The following MBOAT2 variants were observed in gnomAD, a reference collection of about 807,000 sequenced individuals.
MBOAT2 encodes the protein membrane-bound glycerophospholipid O-acyltransferase 2.
MBOAT2 carries 28 observed loss-of-function variants against 63.4 expected under a neutral mutation model. The ratio of observed to expected loss-of-function variants is 0.44; its 90% CI spans 0.33 to 0.61. The LOEUF is 0.61. Among genes scored for constraint, MBOAT2 ranks in the 20% least tolerant of loss-of-function variants. The pLI, the probability that MBOAT2 is intolerant of heterozygous loss-of-function variation, is 0.03. For missense variants in MBOAT2, 470 were observed against 605.8 expected (o/e 0.78, Z 2.35); for synonymous variants, 211 against 215.6 (o/e 0.98, Z 0.19).
chr2:8,998,013 C>T (rs1356639095), intron 1 of MBOAT2, among the ~76,000 whole-genome samples: 1 of 152,196 alleles, frequency 6.6e-6, no homozygotes, highest in Non-Finnish European at 1.5e-5. Flanking sequence ...GTTCACTTTC[C>T]TCCTCTAAGT....
At chr2:8,949,345 C>T (rs1668649602) in intron 2 of MBOAT2, among the ~76,000 whole-genome samples, 1 of 151,892 alleles carries the variant, frequency 6.6e-6, no homozygotes, top group Non-Finnish European at 1.5e-5. Flanking sequence ...TAATTAGGTT[C>T]CACTTGTCAA....
intron 4 of MBOAT2, among the ~76,000 whole-genome samples, chr2:8,891,762 G>GC (rs1292750440): frequency 6.6e-6 from 1 of 152,176 alleles, no homozygotes; most frequent in East Asian, 1.9e-4. Flanking sequence ...GGTAGGAGAG[G>GC]CAGAAGGCTT....
At chr2:8,918,455 T>A (rs773289838) in intron 3 of MBOAT2, among the ~76,000 whole-genome samples, 26 of 152,288 alleles carry the variant, frequency 1.7e-4, no homozygotes, top group Non-Finnish European at 3.2e-4. Context: ...GTCAGAATTA[T>A]CAAATGTAAC....
rs1245816920 is a variant in MBOAT2, at chr2:8,858,041, G to C, written c.*638C>G. 1.3e-5 allele frequency: 2 copies of C among 152,620 alleles called. No individual in the cohort carries two copies. The highest frequency in any genetic ancestry group is 2.4e-5 in the African/African-American group (1 of 41,434). The allele number at this position is 152,620 out of a possible 1,614,324, so 9.5% of individuals were successfully genotyped here. ...GTAATTAAACTCTCCAGCAAAATCA[G>C]CTACCTATAATTTGGCGTCCATTAC... On this transcript the variant is annotated 3_prime_UTR_variant, in exon 13 of 13. Transcript: ENST00000305997.
At chr2:8,992,039 C>T (rs1438975038) in intron 1 of MBOAT2, among the ~76,000 whole-genome samples, 1 of 152,184 alleles carries the variant, frequency 6.6e-6, no homozygotes, top group Non-Finnish European at 1.5e-5. Flanking sequence ...TTTCGCCTAA[C>T]CTCACAATCT....
chr2:8,971,413 C>T (rs1487910553), intron 1 of MBOAT2, among the ~76,000 whole-genome samples: 4 of 152,188 alleles, frequency 2.6e-5, no homozygotes, highest in Non-Finnish European at 4.4e-5. Flanking sequence ...CAATTTCATA[C>T]TGAATGGACA....
In MBOAT2 at chr2:8,858,911, G is replaced by C; in HGVS notation, c.1338-7C>G. The C allele has an allele frequency of 6.4e-7, 1 of 1,567,362 alleles. No individual in the cohort carries two copies. Among genetic ancestry groups the C allele is most frequent in the East Asian group, 2.2e-5 (1 of 44,514 alleles). On this transcript the variant is annotated splice_region_variant and splice_polypyrimidine_tract_variant and intron_variant, in intron 12 of 12. Transcript: ENST00000305997. ...CAGGCAATAATACCAGGAGCTAAAAGAAAAAGGGAAAAAGTTTATTAAAAC... is the reference window on the plus strand; with the variant it reads ...CAGGCAATAATACCAGGAGCTAAAACAAAAAGGGAAAAAGTTTATTAAAAC...
chr2:8,904,550 A>C (rs556009385), intron 4 of MBOAT2, among the ~76,000 whole-genome samples: 12 of 152,214 alleles, frequency 7.9e-5, no homozygotes, highest in African/African-American at 2.6e-4. Flanking sequence ...AGCTCAAGTG[A>C]TCCTCCCACC....
chr2:8,882,616 CA>C, intron 5 of MBOAT2, 51 bp from the exon 6 acceptor site: 1 of 1,530,910 alleles, frequency 6.5e-7, no homozygotes, highest in Non-Finnish European at 9.1e-7. Context: ...CCCAAAATGG[CA>C]TTTTTGCCCA....
At chr2:8,893,203 T>C (rs531364617) in intron 4 of MBOAT2, among the ~76,000 whole-genome samples, 2 of 151,976 alleles carry the variant, frequency 1.3e-5, no homozygotes, top group African/African-American at 4.8e-5. Context: ...GGAAAGTCAA[T>C]GGGATTCGAT....
intron 1 of MBOAT2, among the ~76,000 whole-genome samples, chr2:8,966,185 G>A (rs184242355): frequency 2.0e-5 from 3 of 152,220 alleles, no homozygotes; most frequent in Admixed American, 6.5e-5. Context: ...TTCAAAATGC[G>A]TAACAAACTA....
chr2:8,960,661 T>C (rs1240807193), intron 1 of MBOAT2, among the ~76,000 whole-genome samples: 2 of 152,164 alleles, frequency 1.3e-5, no homozygotes, highest in South Asian at 2.1e-4. Context: ...AGAAAGAGTA[T>C]GTCAAGGACC....
At chr2:8,977,627 A>G (rs1670913821) in intron 1 of MBOAT2, among the ~76,000 whole-genome samples, 3 of 152,124 alleles carry the variant, frequency 2.0e-5, no homozygotes, top group Admixed American at 2.0e-4. Flanking sequence ...CTCTGAAGTG[A>G]GCTCTATGTT....
intron 4 of MBOAT2, among the ~76,000 whole-genome samples, chr2:8,904,617 C>T (rs1665199659): frequency 6.6e-6 from 1 of 152,146 alleles, no homozygotes; most frequent in African/African-American, 2.4e-5. Flanking sequence ...AGTCACAATA[C>T]TGAGTTTTAT....
chr2:8,875,634 T>A (rs2148528229), intron 7 of MBOAT2, among the ~76,000 whole-genome samples: 1 of 152,334 alleles, frequency 6.6e-6, no homozygotes, highest in African/African-American at 2.4e-5. Flanking sequence ...CAGTCCAGCA[T>A]CTTGACTCCT....
intron 2 of MBOAT2, among the ~76,000 whole-genome samples, chr2:8,951,798 T>G (rs762633367): frequency 6.6e-6 from 1 of 152,208 alleles, no homozygotes; most frequent in Non-Finnish European, 1.5e-5. Flanking sequence ...CAATTCTGAT[T>G]GTGCTTATTT....
Position 8,929,695 on chromosome 2 carries a change from G to A in MBOAT2, c.299+13492C>T, listed in dbSNP as rs1476816495. On this transcript the variant is annotated intron_variant, in intron 3 of 12. Coordinates refer to ENST00000305997, the MANE Select transcript of MBOAT2 (RefSeq NM_138799.4). ...GGAGGCATCAAACATATGCATGCATGTATCATTATAACAGAATGATTTACA... is the reference window on the plus strand; with the variant it reads ...GGAGGCATCAAACATATGCATGCATATATCATTATAACAGAATGATTTACA... Among the ~76,000 whole-genome samples the A allele has an allele frequency of 2.0e-5, 3 of 152,160 alleles. No individual in the cohort carries two copies. The East Asian group carries it at 5.8e-4, about 29-fold the overall frequency.
At chr2:8,996,246 T>A (rs1018753155) in intron 1 of MBOAT2, among the ~76,000 whole-genome samples, 1 of 152,196 alleles carries the variant, frequency 6.6e-6, no homozygotes, top group Admixed American at 6.5e-5. Flanking sequence ...GAAGCCTGAT[T>A]ATAGTGGTTT....
At chr2:8,897,450 G>A (rs546185449) in intron 4 of MBOAT2, among the ~76,000 whole-genome samples, 4 of 152,198 alleles carry the variant, frequency 2.6e-5, no homozygotes, top group Non-Finnish European at 5.9e-5. Context: ...TCCCCCAGAG[G>A]TTAGGAACTC....
Sources: allele counts gnomAD v4.1 joint callset (sites outside exome capture counted in the v4.1 genomes callset), GRCh38; gene constraint gnomAD v4.1.1; transcripts MANE v1.5; gene names NCBI Gene and HGNC (gene_info 2026-07-23, HGNC 2026-07-21).